PDE4D: variants seen among roughly 807,000 people sequenced by gnomAD.
PDE4D encodes the protein phosphodiesterase 4D.
A neutral mutation model predicts 87.4 loss-of-function variants in PDE4D; 24 were observed. The observed-to-expected ratio is 0.27, with a 90% confidence interval of 0.20 to 0.39. The LOEUF is 0.39. PDE4D is among the 10% of genes least tolerant of loss of function. The pLI is 1.00. For synonymous variants in PDE4D, 384 were observed against 383.2 expected, an observed-to-expected ratio of 1.00 and a Z score of -0.02; for missense variants, 714 against 1,041.0, an observed-to-expected ratio of 0.69 and a Z score of 4.32.
chr5:60,407,645 G>A (rs1169059720), intron 1 of PDE4D, among the ~76,000 whole-genome samples: 1 of 151,194 alleles, frequency 6.6e-6, no homozygotes, highest in African/African-American at 2.4e-5. Flanking sequence ...TAGAGATGGG[G>A]TTTCACCACA....
intron 1 of PDE4D, among the ~76,000 whole-genome samples, chr5:60,243,245 A>G (rs1236849910): frequency 6.6e-6 from 1 of 152,066 alleles, no homozygotes; most frequent in Middle Eastern, 3.4e-3. Context: ...TCCTAGACAC[A>G]TACAACCTAC....
intron 2 of PDE4D, among the ~76,000 whole-genome samples, chr5:60,143,983 A>AT: frequency 6.6e-6 from 1 of 152,282 alleles, no homozygotes; most frequent in Non-Finnish European, 1.5e-5. Flanking sequence ...TTTTCGCTTG[A>AT]TTCAGCAGCA....
intron 1 of PDE4D, among the ~76,000 whole-genome samples, chr5:59,662,673 C>A (rs578127267): frequency 6.6e-6 from 1 of 152,296 alleles, no homozygotes; most frequent in African/African-American, 2.4e-5. Context: ...TTCTAAGAAA[C>A]TGGGCAAACC....
intron 1 of PDE4D, among the ~76,000 whole-genome samples, chr5:59,471,363 T>C (rs530851983): frequency 3.3e-5 from 5 of 152,260 alleles, no homozygotes; most frequent in Non-Finnish European, 5.9e-5. Context: ...ATTTTGTATT[T>C]CATAAATGAG....
intron 1 of PDE4D, among the ~76,000 whole-genome samples, chr5:60,319,306 T>C (rs1755966819): frequency 6.6e-6 from 1 of 152,248 alleles, no homozygotes; most frequent in Non-Finnish European, 1.5e-5. Flanking sequence ...ATTGGTCACG[T>C]AGTTCTCATG....
intron 3 of PDE4D, among the ~76,000 whole-genome samples, chr5:59,914,820 G>C (rs750367337): frequency 3.4e-5 from 5 of 148,174 alleles, no homozygotes; most frequent in Non-Finnish European, 7.4e-5. Context: ...AAGTAGGTAG[G>C]AGAAGGGGAA....
At chr5:60,418,211 C>T (rs55952213) in intron 1 of PDE4D, among the ~76,000 whole-genome samples, 3,185 of 152,252 alleles carry the variant, frequency 0.021, 60 homozygotes, top group Non-Finnish European at 0.031. Flanking sequence ...CTAGAAAGCT[C>T]ACAGGACATG....
At chr5:59,677,925 T>A (rs1017612780) in intron 1 of PDE4D, among the ~76,000 whole-genome samples, 1 of 152,204 alleles carries the variant, frequency 6.6e-6, no homozygotes, top group Non-Finnish European at 1.5e-5. Flanking sequence ...TCTCCTCCAT[T>A]AAATTTTTAA....
chr5:60,263,004 T>C (rs1368520780), intron 1 of PDE4D, among the ~76,000 whole-genome samples: 1 of 152,186 alleles, frequency 6.6e-6, no homozygotes, highest in Non-Finnish European at 1.5e-5. Flanking sequence ...CTACATATTA[T>C]AAACAAAAAC....
In PDE4D at chr5:59,988,534, G is replaced by C. The variant is rs185956374; in HGVS notation, c.226C>G (p.Leu76Val). 2.6e-5 allele frequency: 42 copies of C among 1,599,244 alleles called. No homozygotes were observed. In the East Asian group the frequency reaches 7.6e-4, roughly 29 times the overall value. The stretch of plus-strand genomic sequence containing the variant: ...ATAGCAATCAGCGGCAGAATCTTCA[G>C]GGGGAGGCTGGTTGGTCGTTGAATG... The change falls in exon 3 of 17, where the codon CTG becomes GTG. Residue 76 changes from leucine (L) to valine (V), a missense_variant. Leu to Val is a conservative substitution (Grantham distance 32, BLOSUM62 1). Transcript: ENST00000502484.
chr5:59,975,300 G>A (rs114778971), intron 3 of PDE4D, among the ~76,000 whole-genome samples: 166 of 152,210 alleles, frequency 1.1e-3, no homozygotes, highest in African/African-American at 3.9e-3. Flanking sequence ...TCTTTTCCAA[G>A]GCAGTCACCC....
At chr5:59,444,959 G>A (rs1342619979) in intron 1 of PDE4D, among the ~76,000 whole-genome samples, 1 of 152,182 alleles carries the variant, frequency 6.6e-6, no homozygotes, top group Non-Finnish European at 1.5e-5. Flanking sequence ...GGTTCTGTAA[G>A]TATTTAATCT....
chr5:60,317,145 A>T (rs1755690885), intron 1 of PDE4D, among the ~76,000 whole-genome samples: 1 of 152,140 alleles, frequency 6.6e-6, no homozygotes, highest in Non-Finnish European at 1.5e-5. Context: ...TAAGCTATTA[A>T]TTATTGCCTC....
At chr5:60,291,500 A>C (rs1404443371) in intron 1 of PDE4D, among the ~76,000 whole-genome samples, 1 of 150,582 alleles carries the variant, frequency 6.6e-6, no homozygotes, top group Non-Finnish European at 1.5e-5. Flanking sequence ...AGCTAAAAGC[A>C]AAAAAAAACC....
intron 5 of PDE4D, among the ~76,000 whole-genome samples, chr5:59,094,269 A>C (rs1161714246): frequency 6.8e-6 from 1 of 147,480 alleles, no homozygotes; most frequent in Non-Finnish European, 1.5e-5. Context: ...GTGCTAAATT[A>C]TTTTTAAATC....
intron 1 of PDE4D, among the ~76,000 whole-genome samples, chr5:59,407,240 C>T (rs1422209152): frequency 6.6e-6 from 1 of 152,208 alleles, no homozygotes. Flanking sequence ...CCCGCTCTCT[C>T]TCTTGCTCCC....
chr5:59,061,256 C>A (rs1763071761), intron 5 of PDE4D, among the ~76,000 whole-genome samples: 1 of 151,968 alleles, frequency 6.6e-6, no homozygotes, highest in African/African-American at 2.4e-5. Flanking sequence ...CCAAGTCATG[C>A]CTGAAAGGTT....
intron 1 of PDE4D, among the ~76,000 whole-genome samples, chr5:60,428,184 T>C (rs1743882148): frequency 6.6e-6 from 1 of 152,202 alleles, no homozygotes; most frequent in Non-Finnish European, 1.5e-5. Flanking sequence ...GGTACAATAC[T>C]GAGTATGAAT....
intron 1 of PDE4D, among the ~76,000 whole-genome samples, chr5:59,877,679 A>T (rs1455168074): frequency 6.6e-6 from 1 of 151,740 alleles, no homozygotes; most frequent in African/African-American, 2.4e-5. Flanking sequence ...TTAGCTGGGC[A>T]TTGGTGGCAC....
Sources: gnomAD v4.1 joint callset for allele counts (sites outside exome capture counted in the v4.1 genomes callset) on GRCh38, gnomAD v4.1.1 for gene constraint, MANE v1.5 for transcripts, NCBI Gene and HGNC (gene_info 2026-07-23, HGNC 2026-07-21) for gene names.